The following RARB variants were observed in gnomAD, a reference collection of about 807,000 sequenced individuals.
RARB encodes the protein retinoic acid receptor beta.
A neutral mutation model predicts 51.9 loss-of-function variants in RARB; 17 were observed. The observed-to-expected ratio is 0.33, with a 90% CI of 0.22 to 0.49. The LOEUF is 0.49. Ranked by LOEUF, RARB falls within the 20% of genes least tolerant of loss-of-function variation. The pLI is 0.99. For synonymous variants in RARB, 215 were observed against 195.4 expected (o/e 1.10, Z -0.84); for missense variants, 369 against 550.8 (o/e 0.67, Z 3.30).
chr3:25,536,921 C>A (rs1699165588), intron 3 of RARB, among the ~76,000 whole-genome samples: 1 of 152,076 alleles, frequency 6.6e-6, no homozygotes, highest in Admixed American at 6.5e-5. Context: ...GAAAAGAAAC[C>A]CACATTGTGC....
chr3:25,007,819 G>A (rs11129176), intron 2 of RARB, among the ~76,000 whole-genome samples: 33,805 of 151,662 alleles, frequency 0.22, 4,654 homozygotes, highest in Admixed American at 0.36. Context: ...TTTGTGATAC[G>A]TGTTACATCT....
intron 7 of RARB, among the ~76,000 whole-genome samples, chr3:25,595,643 T>C (rs947661085): frequency 2.6e-5 from 4 of 152,256 alleles, no homozygotes; most frequent in African/African-American, 9.6e-5. Flanking sequence ...TAATCTGTAC[T>C]GTCCAGTTCA....
intron 1 of RARB, among the ~76,000 whole-genome samples, chr3:24,851,714 A>G (rs1702562528): frequency 6.6e-6 from 1 of 152,224 alleles, no homozygotes; most frequent in African/African-American, 2.4e-5. Flanking sequence ...CAGCATTTTC[A>G]TTGCTATGAA....
At chr3:24,879,666 A>G (rs992237478) in intron 2 of RARB, among the ~76,000 whole-genome samples, 4 of 152,012 alleles carry the variant, frequency 2.6e-5, no homozygotes, top group Non-Finnish European at 1.5e-5. Flanking sequence ...TTTTAAACAA[A>G]AAACCGAATC....
intron 5 of RARB, among the ~76,000 whole-genome samples, chr3:25,243,678 A>G (rs898432043): frequency 6.6e-6 from 1 of 152,160 alleles, no homozygotes; most frequent in Non-Finnish European, 1.5e-5. Context: ...CGTGGTGGAT[A>G]AGCTTTTTAA....
At chr3:25,436,166 T>G (rs1708428903) in intron 1 of RARB, among the ~76,000 whole-genome samples, 1 of 152,238 alleles carries the variant, frequency 6.6e-6, no homozygotes, top group African/African-American at 2.4e-5. Context: ...GCTGCCTGTT[T>G]TGAGGATTTG....
At chr3:25,264,152 A>T (rs921130122) in intron 5 of RARB, among the ~76,000 whole-genome samples, 4 of 152,096 alleles carry the variant, frequency 2.6e-5, no homozygotes, top group Non-Finnish European at 5.9e-5. Flanking sequence ...TTTATCACAA[A>T]CAACTTTGTT....
At chr3:25,162,298 A>G (rs981449676) in intron 4 of RARB, among the ~76,000 whole-genome samples, 5 of 152,116 alleles carry the variant, frequency 3.3e-5, no homozygotes, top group African/African-American at 1.2e-4. Flanking sequence ...TTGTAGAAAC[A>G]GAGTCTTGCT....
intron 5 of RARB, among the ~76,000 whole-genome samples, chr3:25,302,717 C>T (rs552988917): frequency 2.8e-4 from 42 of 152,274 alleles, no homozygotes; most frequent in African/African-American, 9.4e-4. Context: ...GACTTAAAAC[C>T]ACCAAGTTGT....
At chr3:25,485,748 A>G (rs1696434168) in intron 2 of RARB, among the ~76,000 whole-genome samples, 1 of 152,186 alleles carries the variant, frequency 6.6e-6, no homozygotes, top group African/African-American at 2.4e-5. Flanking sequence ...TGGAGAAAGC[A>G]GATGGAAAGG....
intron 2 of RARB, among the ~76,000 whole-genome samples, chr3:25,484,849 C>A (rs892294686): frequency 2.0e-5 from 3 of 151,794 alleles, no homozygotes; most frequent in Non-Finnish European, 4.4e-5. Context: ...TTTTTTTAAC[C>A]TCCATTGTCA....
chr3:25,579,982 TTTC>T (rs370178563), intron 4 of RARB, among the ~76,000 whole-genome samples: 28 of 152,356 alleles, frequency 1.8e-4, no homozygotes, highest in Middle Eastern at 6.8e-3. Context: ...TCCTCATTCC[TTTC>T]TTGTTTGTTA....
At chr3:25,455,726 G>A (rs964894914) in intron 1 of RARB, among the ~76,000 whole-genome samples, 3 of 152,168 alleles carry the variant, frequency 2.0e-5, no homozygotes, top group African/African-American at 7.2e-5. Context: ...CATCTCACCC[G>A]AGTAGCAGAA....
At chr3:25,451,574 A>G (rs1709196573) in intron 1 of RARB, among the ~76,000 whole-genome samples, 1 of 152,244 alleles carries the variant, frequency 6.6e-6, no homozygotes, top group Admixed American at 6.5e-5. Context: ...TAAGCCAAGC[A>G]TTATTTTATT....
At chr3:24,944,354 G>A (rs1242696298) in intron 2 of RARB, among the ~76,000 whole-genome samples, 1 of 152,184 alleles carries the variant, frequency 6.6e-6, no homozygotes. Flanking sequence ...CCGTATGATT[G>A]TTGTTGAAAG....
chr3:25,257,931 C>T (rs1371296376), intron 5 of RARB, among the ~76,000 whole-genome samples: 1 of 152,070 alleles, frequency 6.6e-6, no homozygotes, highest in Non-Finnish European at 1.5e-5. Context: ...TAGTTGAGCC[C>T]CTTCATCATT....
intron 2 of RARB, among the ~76,000 whole-genome samples, chr3:25,024,732 C>G (rs917942412): frequency 6.6e-6 from 1 of 152,002 alleles, no homozygotes; most frequent in African/African-American, 2.4e-5. Flanking sequence ...CGGGCCAGAT[C>G]ACTTGAGCTC....
At chr3:25,255,354 C>T (rs1425190345) in intron 5 of RARB, among the ~76,000 whole-genome samples, 2 of 152,140 alleles carry the variant, frequency 1.3e-5, no homozygotes, top group African/African-American at 2.4e-5. Context: ...AAAACAATTT[C>T]CCTCATACCT....
intron 5 of RARB, among the ~76,000 whole-genome samples, chr3:25,345,381 A>C (rs1339668714): frequency 6.6e-6 from 1 of 152,156 alleles, no homozygotes; most frequent in African/African-American, 2.4e-5. Context: ...TAAGCAATTC[A>C]TCTGGCTGGG....
Sources: gnomAD v4.1 joint callset for allele counts (sites outside exome capture counted in the v4.1 genomes callset) on GRCh38, gnomAD v4.1.1 for gene constraint, MANE v1.5 for transcripts, NCBI Gene and HGNC (gene_info 2026-07-23, HGNC 2026-07-21) for gene names.